KIF21B: variants seen among roughly 807,000 people sequenced by gnomAD.
KIF21B encodes kinesin family member 21B.
Under a neutral mutation model 192.9 loss-of-function variants are expected in KIF21B, and 85 were observed. The observed-to-expected ratio is 0.44, with a 90% CI of 0.37 to 0.53. The LOEUF is 0.53. Among genes scored for constraint, KIF21B ranks in the 20% least tolerant of loss-of-function variants. The pLI is 0.00. For synonymous variants in KIF21B, 832 were observed against 884.6 expected (o/e 0.94, Z 1.05); for missense variants, 1,716 against 2,194.8 (o/e 0.78, Z 4.36).
chr1:200,989,664 A>T (rs1656547151), intron 21 of KIF21B, among the ~76,000 whole-genome samples: 1 of 152,234 alleles, frequency 6.6e-6, no homozygotes, highest in Non-Finnish European at 1.5e-5. Flanking sequence ...CCAGACACCC[A>T]GAGTCAACTT....
chr1:200,989,005 C>G, intron 21 of KIF21B, 74 bp from the exon 22 acceptor site: 1 of 1,429,450 alleles, frequency 7.0e-7, no homozygotes, highest in Non-Finnish European at 9.4e-7. Flanking sequence ...CAACCTGCAC[C>G]CCTCAAGACA....
At chr1:200,976,639 G>T in intron 32 of KIF21B, 137 bp downstream of exon 32, 2 of 514,526 alleles carry the variant, frequency 3.9e-6, no homozygotes, top group Non-Finnish European at 7.0e-6. Context: ...ATAAATTCTT[G>T]CCTTCTTTGG....
At chr1:200,974,262 G>A (rs1655395670) in intron 34 of KIF21B, 2 of 1,459,470 alleles carry the variant, frequency 1.4e-6, no homozygotes, top group Non-Finnish European at 1.8e-6. Context: ...GGGGAGAGAA[G>A]GGACAAAGTC....
rs61464909 is a variant in KIF21B, at chr1:201,017,406, C to T, written c.41+5937G>A. Among the ~76,000 whole-genome samples the T allele has an allele frequency of 6.6e-6, 1 of 152,142 alleles. No homozygotes were observed. The highest frequency in any genetic ancestry group is 2.4e-5 in the African/African-American group (1 of 41,428). ...CTCTGGGGCCTGGGAAGAGGGTAAA[C>T]CCAGCCCAGGGAAGTACTGCTCAGC... On this transcript the variant is annotated intron_variant, in intron 1 of 34. Coordinates refer to ENST00000461742, the MANE Select transcript of KIF21B (RefSeq NM_001252102.2). This position sits in a 1 kb window ranked among gnomAD's most constrained non-coding sequence, Gnocchi z 4.1.
chr1:201,015,567 G>A (rs1658455342), intron 1 of KIF21B, among the ~76,000 whole-genome samples: 1 of 152,216 alleles, frequency 6.6e-6, no homozygotes, highest in South Asian at 2.1e-4. Context: ...CTCTGCTTGT[G>A]CCCAGCCTCC....
At chr1:200,992,258 G>T in intron 16 of KIF21B, 24 bp downstream of exon 16, 1 of 1,605,190 alleles carries the variant, frequency 6.2e-7, no homozygotes. Flanking sequence ...AAGGCTCCTG[G>T]GAGGCTCAAG....
At position 200,999,820 on chromosome 1, in the gene KIF21B, C is replaced by A; in HGVS notation, c.1767+63G>T. 1 of 1,577,400 alleles carries A rather than the reference C, an allele frequency of 6.3e-7. No individual in the cohort carries two copies. On this transcript the variant is annotated intron_variant, in intron 12 of 34. Transcript: ENST00000461742. The surrounding 1 kb of genome is among the most constrained non-coding windows in gnomAD (Gnocchi z 4.7). ...CATACAAGGATGCGGATGGGGCCCC[C>A]GCCAACCCCAGCAGGGACACAAGGC...
chr1:200,980,094 A>G (rs1191125380), intron 29 of KIF21B, among the ~76,000 whole-genome samples: 1 of 152,208 alleles, frequency 6.6e-6, no homozygotes. Context: ...GTGCAAGCAA[A>G]TGTTATGGGA....
At chr1:201,010,337 TCCCAAC>T (rs1658160673) in intron 1 of KIF21B, among the ~76,000 whole-genome samples, 1 of 151,418 alleles carries the variant, frequency 6.6e-6, no homozygotes, top group Non-Finnish European at 1.5e-5. Flanking sequence ...TGGGGTGCGC[TCCCAAC>T]CCAGATTCTG....
chr1:200,974,608 C>T (rs1655420306), intron 34 of KIF21B, 106 bp downstream of exon 34: 11 of 1,214,134 alleles, frequency 9.1e-6, no homozygotes, highest in African/African-American at 1.5e-5. Flanking sequence ...GCTCTGTGAA[C>T]CGAGCCTGCG....
chr1:200,998,252 C>T lies in KIF21B; in HGVS notation c.2077+132G>A. On this transcript the variant is annotated intron_variant, in intron 14 of 34. Coordinates refer to ENST00000461742, the MANE Select transcript of KIF21B (RefSeq NM_001252102.2). The surrounding 1 kb of genome is among the most constrained non-coding windows in gnomAD (Gnocchi z 4.3). Reference sequence around the variant, plus strand: ...CCTTTAACTGTGGGTCAAAGGACCACAGTCAAAGGTTGGGAAGTCCCTTGC... The same window carrying T: ...CCTTTAACTGTGGGTCAAAGGACCATAGTCAAAGGTTGGGAAGTCCCTTGC... 1.3e-6 allele frequency: 1 copy of T among 794,472 alleles called. No individual in the cohort carries two copies. The highest frequency in any genetic ancestry group is 2.0e-6 in the Non-Finnish European group (1 of 492,764). The allele number at this position is 794,472 out of a possible 1,614,324, so 49.2% of individuals were successfully genotyped here. A position where few individuals can be genotyped will look rare whatever the true frequency, so the allele number is the denominator to read the frequency against.
At chr1:201,006,181 CTG>C (rs2102453424) in intron 3 of KIF21B, among the ~76,000 whole-genome samples, 1 of 152,360 alleles carries the variant, frequency 6.6e-6, no homozygotes, top group African/African-American at 2.4e-5. Flanking sequence ...AGGAACACGC[CTG>C]TGTGCCTTGC....
intron 16 of KIF21B, 143 bp downstream of exon 16, chr1:200,992,139 T>C (rs1656740093): frequency 2.9e-6 from 2 of 683,206 alleles, no homozygotes; most frequent in Non-Finnish European, 5.0e-6. Context: ...TCTGACAGGC[T>C]GTACTGTCCT....
rs1465243136 is a variant in KIF21B at position 201,004,468 on chromosome 1, G to C, written c.901-13C>G. On this transcript the variant is annotated splice_polypyrimidine_tract_variant and intron_variant, in intron 6 of 34. Coordinates refer to ENST00000461742, the MANE Select transcript of KIF21B (RefSeq NM_001252102.2). ...TGCCCAAGGCCAGCTGTGGGAGACA[G>C]ACCCTGGCACTCAGCAGTCACTCAG... is the stretch of plus-strand genomic sequence containing the variant. The C allele has an allele frequency of 5.1e-6, 8 of 1,556,676 alleles. No individual in the cohort carries two copies. The highest frequency in any genetic ancestry group is 7.0e-6 in the Non-Finnish European group (8 of 1,147,184).
rs781421408 is a variant in KIF21B, at chr1:200,990,121, C to A, written c.3030+17G>T. The A allele has an allele frequency of 6.2e-7, 1 of 1,611,356 alleles. No individual in the cohort carries two copies. The highest frequency in any genetic ancestry group is 2.2e-5 in the East Asian group (1 of 44,818). On this transcript the variant is annotated intron_variant, in intron 20 of 34. Coordinates refer to ENST00000461742, the MANE Select transcript of KIF21B (RefSeq NM_001252102.2). This position sits in a 1 kb window ranked among gnomAD's most constrained non-coding sequence, Gnocchi z 5.4. ...TCTCTCCCGCCTCCGCCCCAGCAGG[C>A]CCAGCCCTGCGGATACCTTGGTCTC... is the stretch of plus-strand genomic sequence containing the variant.
In KIF21B at chr1:201,004,784, G is replaced by A. The variant is rs766250349; in HGVS notation, c.882C>T (p.Ile294=). 8.7e-6 allele frequency: 14 copies of A among 1,614,096 alleles called. 1 individual carries two copies. The highest frequency in any genetic ancestry group is 1.2e-5 in the Non-Finnish European group (14 of 1,180,030). Residue 294 remains isoleucine (I), a synonymous_variant, in exon 6 of 35, where the codon ATC becomes ATT. Transcript: ENST00000461742. ...TGCCTACCAGGCCACAGTTGATGGA[G>A]ATGCCCTCCTTGGCCCGCTCGCCAG... ...GATGERAKEG[I]SINCGLLALG... is the part of the protein sequence containing the mutation.
rs1655965145 is a variant in KIF21B, at chr1:200,982,028, T to G, written c.3843-932A>C. Among the ~76,000 whole-genome samples the G allele has an allele frequency of 6.6e-6, 1 of 152,166 alleles. No homozygotes were observed. Among genetic ancestry groups the G allele is most frequent in the Admixed American group, 6.5e-5 (1 of 15,278 alleles). On this transcript the variant is annotated intron_variant, in intron 28 of 34. Transcript: ENST00000461742. This position sits in a 1 kb window ranked among gnomAD's most constrained non-coding sequence, Gnocchi z 4.7. ...ACAGTGACTCTGGCCAAGGGTCTAC[T>G]GAAATGATCAAGGTTTTGCCTGTGG...
intron 27 of KIF21B, among the ~76,000 whole-genome samples, chr1:200,983,682 A>G (rs748708384): frequency 3.3e-5 from 5 of 152,214 alleles, no homozygotes; most frequent in Non-Finnish European, 7.3e-5. Context: ...CCAGAAGACC[A>G]TCAGGCTGGG....
rs1286014461 is a variant in KIF21B, at chr1:200,999,976, G to T, written c.1686-12C>A. ...CTTCCTTCTCGGGGCTGCTCAGGGA[G>T]GACAGGGAAGCTGGATTAGGAAGGC... On this transcript the variant is annotated splice_polypyrimidine_tract_variant and intron_variant, in intron 11 of 34. Transcript: ENST00000461742. This position sits in a 1 kb window ranked among gnomAD's most constrained non-coding sequence, Gnocchi z 4.7. The T allele has an allele frequency of 1.9e-6, 3 of 1,613,050 alleles. No individual in the cohort carries two copies. Among genetic ancestry groups the T allele is most frequent in the Non-Finnish European group, 2.5e-6 (3 of 1,179,538 alleles).
Sources: allele counts gnomAD v4.1 joint callset (sites outside exome capture counted in the v4.1 genomes callset), GRCh38; gene constraint gnomAD v4.1.1; non-coding constraint Gnocchi (gnomAD v3.1); transcripts MANE v1.5; gene names NCBI Gene and HGNC (gene_info 2026-07-23, HGNC 2026-07-21).